The following DSTYK variants were observed in gnomAD, a reference collection of about 807,000 sequenced individuals.
DSTYK encodes the protein RIP-homologous kinase.
DSTYK carries 34 observed loss-of-function variants against 98.7 expected under a neutral mutation model. The observed-to-expected ratio is 0.34, with a 90% confidence interval of 0.26 to 0.46. DSTYK has a LOEUF of 0.46. Ranked by LOEUF, DSTYK falls within the 20% of genes least tolerant of loss-of-function variation. The pLI is 1.00. For synonymous variants in DSTYK, 462 were observed against 457.3 expected, an observed-to-expected ratio of 1.01 and a Z score of -0.13; for missense variants, 962 against 1,181.7, an observed-to-expected ratio of 0.81 and a Z score of 2.73.
chr1:205,169,246 T>A lies in DSTYK; in HGVS notation c.1241A>T (p.Glu414Val), dbSNP rs1657979079. The A allele has an allele frequency of 1.2e-6, 2 of 1,614,154 alleles. No individual in the cohort carries two copies. The highest frequency in any genetic ancestry group is 1.3e-5 in the African/African-American group (1 of 75,062). Reference protein sequence around the residue: ...SLMNIANRKQEEMKDMIVETL... With the variant: ...SLMNIANRKQVEMKDMIVETL... ...CTCAACAATCATATCCTTCATTTCCTCCTGCTTTCGGTTGGCAATATTCAT... is the reference window on the plus strand; with the variant it reads ...CTCAACAATCATATCCTTCATTTCCACCTGCTTTCGGTTGGCAATATTCAT... Residue 414 changes from glutamate (E) to valine (V), a missense_variant, in exon 3 of 13, where the codon GAG becomes GTG. This residue lies in a region of DSTYK where 660 missense variants were observed against 855.0 expected (regional missense o/e 0.77). Coordinates refer to ENST00000367162, the MANE Select transcript of DSTYK (RefSeq NM_015375.3). This position sits in a 1 kb window ranked among gnomAD's most constrained non-coding sequence, Gnocchi z 4.0.
chr1:205,187,924 A>C, intron 1 of DSTYK, 118 bp from the exon 2 acceptor site: 5 of 1,001,330 alleles, frequency 5.0e-6, no homozygotes, highest in Non-Finnish European at 5.7e-6. Context: ...CTAGAGGAGA[A>C]ATTTCTAGGA....
At chr1:205,155,979 GCCAT>G (rs1175606658) in intron 10 of DSTYK, among the ~76,000 whole-genome samples, 1 of 152,224 alleles carries the variant, frequency 6.6e-6, no homozygotes, top group African/African-American at 2.4e-5. Context: ...CATAGCTCAG[GCCAT>G]TGCTTCAGAG....
chr1:205,187,579 G>A lies in DSTYK; in HGVS notation c.493C>T (p.Leu165=), dbSNP rs1429838322. 3 of 1,614,052 alleles carry A rather than the reference G, an allele frequency of 1.9e-6. No homozygotes were observed. The African/African-American group carries it at 4.0e-5, about 22-fold the overall frequency. The part of the protein sequence containing the change: ...FTYGTQTRVS[L]ALPGQYELVH... ...AGTTCATACTGTCCAGGGAGCGCCAGGCTGACCCGAGTCTGAGTCCCATAG... is the reference window on the plus strand; with the variant it reads ...AGTTCATACTGTCCAGGGAGCGCCAAGCTGACCCGAGTCTGAGTCCCATAG... The change falls in exon 2 of 13, where the codon CTG becomes TTG. Residue 165 remains leucine (L), a synonymous_variant. Coordinates refer to ENST00000367162, the MANE Select transcript of DSTYK (RefSeq NM_015375.3).
chr1:205,166,755 T>A (rs11591088), intron 3 of DSTYK, among the ~76,000 whole-genome samples: 5,298 of 152,314 alleles, frequency 0.035, 134 homozygotes, highest in Middle Eastern at 0.11. Context: ...CAAAGAGGTA[T>A]CTCTGTTCAT....
chr1:205,181,534 T>C (rs1274835807), intron 2 of DSTYK, among the ~76,000 whole-genome samples: 2 of 151,962 alleles, frequency 1.3e-5, no homozygotes, highest in African/African-American at 4.8e-5. Flanking sequence ...TTTGTATTTT[T>C]AATAGTGACA....
chr1:205,155,261 GGTGTGAGCCACC>G (rs1657523914), intron 10 of DSTYK, among the ~76,000 whole-genome samples: 1 of 151,958 alleles, frequency 6.6e-6, no homozygotes, highest in African/African-American at 2.4e-5. Flanking sequence ...TGGGATTACA[GGTGTGAGCCACC>G]ATACCCACCC....
chr1:205,199,283 T>C (rs1658957944), intron 1 of DSTYK, among the ~76,000 whole-genome samples: 1 of 152,148 alleles, frequency 6.6e-6, no homozygotes. Flanking sequence ...ATATCCAAAC[T>C]GCTCACACTG....
chr1:205,173,867 G>C (rs1225481741), intron 2 of DSTYK, among the ~76,000 whole-genome samples: 1 of 152,024 alleles, frequency 6.6e-6, no homozygotes, highest in African/African-American at 2.4e-5. Context: ...TACAAGGCAT[G>C]TGCCACCATG....
chr1:205,181,931 G>A (rs1234536736), intron 2 of DSTYK, among the ~76,000 whole-genome samples: 1 of 152,014 alleles, frequency 6.6e-6, no homozygotes, highest in Non-Finnish European at 1.5e-5. Flanking sequence ...AGAGATGCCA[G>A]TTTTCTAGCA....
rs200440178 is a variant in DSTYK at position 205,159,087 on chromosome 1, AT to A, written c.2238+459del. Among the ~76,000 whole-genome samples the A allele has an allele frequency of 8.3e-3, 1,246 of 149,812 alleles. 17 individuals are homozygous for A. Among genetic ancestry groups the A allele is most frequent in the African/African-American group, 0.027 (1,089 of 40,806 alleles). On this transcript the variant is annotated intron_variant, in intron 9 of 12. Coordinates refer to ENST00000367162, the MANE Select transcript of DSTYK (RefSeq NM_015375.3). ...AATAGGTTCTGATAAATCTTTAAAA[AT>A]TTTTTTTTTTTATTTTTAGAGATAG... is the stretch of plus-strand genomic sequence containing the variant.
At chr1:205,208,993 A>C (rs1246922336) in intron 1 of DSTYK, among the ~76,000 whole-genome samples, 1 of 152,156 alleles carries the variant, frequency 6.6e-6, no homozygotes, top group Non-Finnish European at 1.5e-5. Context: ...TGCCATCTGC[A>C]CCCTCCCAGG....
intron 2 of DSTYK, among the ~76,000 whole-genome samples, chr1:205,181,965 G>T (rs1377016871): frequency 6.6e-6 from 1 of 151,840 alleles, no homozygotes; most frequent in Non-Finnish European, 1.5e-5. Flanking sequence ...AGTAAATTTG[G>T]GGTTAAAATT....
chr1:205,160,337 T>A (rs1373243911), intron 7 of DSTYK, 67 bp from the exon 8 acceptor site: 2 of 1,422,592 alleles, frequency 1.4e-6, no homozygotes, highest in East Asian at 4.6e-5. Context: ...TCTGTAAGAT[T>A]CTTTTTTTTT....
At chr1:205,209,996 T>C (rs1659324321) in intron 1 of DSTYK, among the ~76,000 whole-genome samples, 1 of 151,810 alleles carries the variant, frequency 6.6e-6, no homozygotes, top group Non-Finnish European at 1.5e-5. Flanking sequence ...CGCCGCCTGG[T>C]TTCAAGCGAT....
intron 2 of DSTYK, among the ~76,000 whole-genome samples, chr1:205,185,392 T>G (rs1304969463): frequency 6.6e-6 from 1 of 151,980 alleles, no homozygotes; most frequent in African/African-American, 2.4e-5. Context: ...TTATTATTTT[T>G]TTTAGAGACA....
At chr1:205,178,204 A>C (rs1008073761) in intron 2 of DSTYK, among the ~76,000 whole-genome samples, 2 of 152,040 alleles carry the variant, frequency 1.3e-5, no homozygotes, top group Non-Finnish European at 2.9e-5. Context: ...AAACACCCCA[A>C]AGCAAAGGCT....
rs1657272916 is a variant in DSTYK, at chr1:205,147,531, G to C, written c.*27C>G. On this transcript the variant is annotated 3_prime_UTR_variant, in exon 13 of 13. Coordinates refer to ENST00000367162, the MANE Select transcript of DSTYK (RefSeq NM_015375.3). ...AAGGTGAGGGGGAAGGAAATAACTA[G>C]AGAGTGAAAGAGAAAGGTCTTTGCT... 4.4e-6 allele frequency: 7 copies of C among 1,592,312 alleles called. No individual in the cohort carries two copies. The highest frequency in any genetic ancestry group is 1.7e-5 in the Admixed American group (1 of 58,936).
intron 1 of DSTYK, among the ~76,000 whole-genome samples, chr1:205,188,127 G>A (rs1349836570): frequency 6.6e-6 from 1 of 152,000 alleles, no homozygotes; most frequent in Non-Finnish European, 1.5e-5. Context: ...GAGTTTATAA[G>A]GACTCCATCA....
At chr1:205,159,942 TG>T in intron 8 of DSTYK, 171 bp downstream of exon 8, 1 of 858,806 alleles carries the variant, frequency 1.2e-6, no homozygotes, top group Non-Finnish European at 1.9e-6. Flanking sequence ...ATTAGGATGG[TG>T]GGGAAAGAGC....
Sources: gnomAD v4.1 joint callset for allele counts (sites outside exome capture counted in the v4.1 genomes callset) on GRCh38, gnomAD v4.1.1 for gene constraint, gnomAD v4.1.1 regional missense constraint, Gnocchi (gnomAD v3.1) non-coding constraint, MANE v1.5 for transcripts, NCBI Gene and HGNC (gene_info 2026-07-23, HGNC 2026-07-21) for gene names.